LINGO2: variants seen among roughly 807,000 people sequenced by gnomAD.
LINGO2 encodes the protein leucine rich repeat and Ig domain containing 2.
In LINGO2, 14 loss-of-function variants were observed where a neutral mutation model predicts 30.6. The ratio of observed to expected loss-of-function variants is 0.46; its 90% CI spans 0.30 to 0.72. The LOEUF (loss-of-function observed/expected upper bound fraction) is 0.72. Ranked by LOEUF, LINGO2 falls within the 30% of genes least tolerant of loss-of-function variation. The pLI, the probability that LINGO2 is intolerant of heterozygous loss-of-function variation, is 0.07. For missense variants in LINGO2, 729 were observed against 751.7 expected (o/e 0.97, Z 0.35); for synonymous variants, 317 against 288.5 (o/e 1.10, Z -1.00).
chr9:28,392,273 A>G (rs1418770480), intron 2 of LINGO2, among the ~76,000 whole-genome samples: 3 of 152,174 alleles, frequency 2.0e-5, no homozygotes, highest in Admixed American at 2.0e-4. Flanking sequence ...TTGCCTATTA[A>G]TTAGGATCTA....
chr9:28,422,500 T>C (rs1454517622), intron 2 of LINGO2, among the ~76,000 whole-genome samples: 1 of 148,074 alleles, frequency 6.8e-6, no homozygotes, highest in Non-Finnish European at 1.5e-5. Flanking sequence ...ATGGCTACTA[T>C]TAAAAAAGAA....
intron 1 of LINGO2, among the ~76,000 whole-genome samples, chr9:28,586,753 T>C (rs1413106679): frequency 6.6e-6 from 1 of 151,978 alleles, no homozygotes; most frequent in Non-Finnish European, 1.5e-5. Flanking sequence ...TAACTTGGGT[T>C]TCTCAAAGGT....
intron 1 of LINGO2, among the ~76,000 whole-genome samples, chr9:28,583,979 C>T (rs1314204305): frequency 6.6e-6 from 1 of 151,956 alleles, no homozygotes; most frequent in Non-Finnish European, 1.5e-5. Flanking sequence ...TGGATTTGGC[C>T]AGATTTCAAT....
chr9:28,775,336 T>C, the LINGO2 span, among the ~76,000 whole-genome samples: 102 of 152,342 alleles, frequency 6.7e-4, no homozygotes, highest in African/African-American at 2.4e-3. Flanking sequence ...ACAGGGATTC[T>C]TTCCATTTGT....
At chr9:29,109,381 AAT>A in the LINGO2 span, among the ~76,000 whole-genome samples, 43 of 152,118 alleles carry the variant, frequency 2.8e-4, no homozygotes, top group African/African-American at 9.6e-4. Flanking sequence ...AAGAAGAAAA[AAT>A]GATTTGCAAG....
chr9:28,456,399 C>T (rs1345728837), intron 2 of LINGO2, among the ~76,000 whole-genome samples: 1 of 152,150 alleles, frequency 6.6e-6, no homozygotes, highest in Non-Finnish European at 1.5e-5. Flanking sequence ...TCTATGTCTT[C>T]TAACTCAGAG....
intron 2 of LINGO2, among the ~76,000 whole-genome samples, chr9:28,469,380 GAGAT>G (rs1444079173): frequency 1.3e-5 from 2 of 151,994 alleles, no homozygotes; most frequent in Non-Finnish European, 2.9e-5. Context: ...AGATAAAAGA[GAGAT>G]AAAGTGATAC....
intron 4 of LINGO2, among the ~76,000 whole-genome samples, chr9:28,127,370 A>C (rs1247903017): frequency 6.6e-6 from 1 of 152,200 alleles, no homozygotes; most frequent in Non-Finnish European, 1.5e-5. Context: ...GGAGGATGAG[A>C]GACTACATCA....
At chr9:28,662,058 T>C (rs573340415) in intron 1 of LINGO2, among the ~76,000 whole-genome samples, 36 of 152,302 alleles carry the variant, frequency 2.4e-4, no homozygotes, top group Non-Finnish European at 4.1e-4. Context: ...AACAGTGAAC[T>C]AGGAAAAGAT....
intron 4 of LINGO2, among the ~76,000 whole-genome samples, chr9:28,031,922 T>C (rs997266463): frequency 2.0e-5 from 3 of 152,162 alleles, no homozygotes; most frequent in African/African-American, 7.2e-5. Context: ...TGGTGTATTA[T>C]TGTGACAGCC....
At chr9:28,566,388 C>G (rs1012668619) in intron 1 of LINGO2, among the ~76,000 whole-genome samples, 1 of 152,162 alleles carries the variant, frequency 6.6e-6, no homozygotes, top group African/African-American at 2.4e-5. Flanking sequence ...CATCAAACAA[C>G]TTTAAAACAA....
chr9:28,308,006 C>G (rs1444103102), intron 3 of LINGO2, among the ~76,000 whole-genome samples: 2 of 151,312 alleles, frequency 1.3e-5, no homozygotes, highest in East Asian at 3.9e-4. Flanking sequence ...CCATACTGCC[C>G]AAGGTAATTT....
chr9:28,051,250 C>T (rs1824657883), intron 4 of LINGO2, among the ~76,000 whole-genome samples: 1 of 151,898 alleles, frequency 6.6e-6, no homozygotes, highest in African/African-American at 2.4e-5. Context: ...TGAAAACTAT[C>T]AGAAAGAATA....
the LINGO2 span, among the ~76,000 whole-genome samples, chr9:29,165,045 A>G: frequency 6.6e-6 from 1 of 152,118 alleles, no homozygotes; most frequent in African/African-American, 2.4e-5. Context: ...TCTTTTGGTT[A>G]TTACTATTAC....
At chr9:28,106,877 T>C (rs2133340942) in intron 4 of LINGO2, among the ~76,000 whole-genome samples, 5 of 152,318 alleles carry the variant, frequency 3.3e-5, no homozygotes, top group Admixed American at 3.3e-4. Flanking sequence ...TGAATGTTGT[T>C]TTATTTACAT....
the LINGO2 span, among the ~76,000 whole-genome samples, chr9:28,758,450 C>A: frequency 6.6e-6 from 1 of 151,992 alleles, no homozygotes; most frequent in African/African-American, 2.4e-5. Context: ...AAAAAAAGTT[C>A]CTCTTACTGG....
chr9:28,617,977 G>A (rs1826216807), intron 1 of LINGO2, among the ~76,000 whole-genome samples: 1 of 152,160 alleles, frequency 6.6e-6, no homozygotes. Flanking sequence ...TATCACTGAA[G>A]TTGAAGCTTT....
chr9:28,028,989 G>T (rs1823528957), intron 4 of LINGO2, among the ~76,000 whole-genome samples: 1 of 152,134 alleles, frequency 6.6e-6, no homozygotes, highest in Non-Finnish European at 1.5e-5. Context: ...TGCTTATTGG[G>T]TGCTTCTTAG....
At chr9:28,963,223 A>G in the LINGO2 span, among the ~76,000 whole-genome samples, 25 of 152,102 alleles carry the variant, frequency 1.6e-4, no homozygotes, top group Admixed American at 1.4e-3. Flanking sequence ...CAGTGTTGGT[A>G]CTATTTTATA....
Sources: gnomAD v4.1 joint callset for allele counts (sites outside exome capture counted in the v4.1 genomes callset) on GRCh38, gnomAD v4.1.1 for gene constraint, MANE v1.5 for transcripts, NCBI Gene and HGNC (gene_info 2026-07-23, HGNC 2026-07-21) for gene names.